CLDN16: variants seen among roughly 807,000 people sequenced by gnomAD.
The protein encoded by CLDN16 is claudin-16.
In CLDN16, 13 loss-of-function variants were observed where a neutral mutation model predicts 24.6. The observed-to-expected ratio is 0.53, with a 90% CI of 0.34 to 0.84. The LOEUF (loss-of-function observed/expected upper bound fraction) is 0.84, where lower values mean the gene tolerates loss of function less well. CLDN16 is among the 40% of genes least tolerant of loss of function. The pLI is 0.01. For synonymous variants in CLDN16, 116 were observed against 106.7 expected (o/e 1.09, Z -0.54); for missense variants, 298 against 292.7 (o/e 1.02, Z -0.13).
the CLDN16 span, chr3:190,305,890 T>G: frequency 6.6e-6 from 1 of 152,224 alleles, no homozygotes; most frequent in African/African-American, 2.4e-5. Context: ...AATTTTTTTG[T>G]AATGTTTGGT....
intron 1 of CLDN16, among the ~76,000 whole-genome samples, chr3:190,358,099 A>C (rs1337653657): frequency 6.6e-6 from 1 of 151,962 alleles, no homozygotes; most frequent in African/African-American, 2.4e-5. Flanking sequence ...TTACGAAAAA[A>C]AAGAAAAGAA....
At chr3:190,320,309 G>T (rs1165858560), upstream of CLDN16, among the ~76,000 whole-genome samples, 1 of 152,144 alleles carries the variant, frequency 6.6e-6, no homozygotes. Context: ...CTGACAGTGA[G>T]ACCTCTCTGG....
chr3:190,308,473 T>C, the CLDN16 span: 2 of 1,607,148 alleles, frequency 1.2e-6, no homozygotes, highest in Non-Finnish European at 1.7e-6. Flanking sequence ...TGTTAATCAG[T>C]GAATTATTGG....
At chr3:190,408,857 AGTATATATACTATATATACATACT>A (rs1356047446) in intron 4 of CLDN16, among the ~76,000 whole-genome samples, 4 of 148,122 alleles carry the variant, frequency 2.7e-5, no homozygotes, top group Admixed American at 1.4e-4. Flanking sequence ...ATACACATAT[AGTATATATACTATATATACATACT>A]GTATATATAC....
the CLDN16 span, among the ~76,000 whole-genome samples, chr3:190,299,558 T>A: frequency 2.6e-5 from 4 of 152,140 alleles, no homozygotes; most frequent in African/African-American, 9.7e-5. Flanking sequence ...GAATTTTTTT[T>A]ATATTTAAGT....
intron 1 of CLDN16, among the ~76,000 whole-genome samples, chr3:190,365,394 G>C (rs1333326360): frequency 6.6e-6 from 1 of 151,472 alleles, no homozygotes; most frequent in East Asian, 2.0e-4. Flanking sequence ...GTGTCTTTTG[G>C]ATTCTTCCAT....
At chr3:190,348,085 TAC>T (rs1717590542) in intron 1 of CLDN16, among the ~76,000 whole-genome samples, 1 of 70,228 alleles carries the variant, frequency 1.4e-5, no homozygotes, top group South Asian at 4.4e-4. Flanking sequence ...CTACTGAAAA[TAC>T]AAAAAAAAAA....
chr3:190,292,008 C>G, the CLDN16 span, among the ~76,000 whole-genome samples: 1 of 152,172 alleles, frequency 6.6e-6, no homozygotes, highest in Admixed American at 6.5e-5. Flanking sequence ...GTGCACATTG[C>G]AAGCTGTTGG....
chr3:190,310,324 C>T, the CLDN16 span: 1 of 1,172,084 alleles, frequency 8.5e-7, no homozygotes. Flanking sequence ...ACCTGTTAAA[C>T]CAAAACATAT....
chr3:190,304,817 G>A, the CLDN16 span, among the ~76,000 whole-genome samples: 1 of 152,114 alleles, frequency 6.6e-6, no homozygotes, highest in Non-Finnish European at 1.5e-5. Context: ...GGGAATATGG[G>A]GACAAAGTGA....
At position 190,410,295 on chromosome 3, in the gene CLDN16, A is replaced by G. The variant is rs1250425802; in HGVS notation, c.*259A>G. 1 of 457,310 alleles carries G rather than the reference A, an allele frequency of 2.2e-6. No individual in the cohort carries two copies. Among genetic ancestry groups the G allele is most frequent in the African/African-American group, 2.0e-5 (1 of 50,864 alleles). 28.3% of individuals were successfully genotyped at this position (457,310 alleles called of 1,614,324 possible). On this transcript the variant is annotated 3_prime_UTR_variant, in exon 5 of 5. Transcript: ENST00000264734. ...AAGATAAGTCTGCTAGGATGTAGAA[A>G]TATTTGTTTGTGATTTCTATATAGC...
At chr3:190,400,405 G>C (rs1164355516) in intron 1 of CLDN16, among the ~76,000 whole-genome samples, 3 of 151,882 alleles carry the variant, frequency 2.0e-5, no homozygotes, top group Non-Finnish European at 4.4e-5. Flanking sequence ...GCTAATTTTT[G>C]TATTTTTAGT....
At chr3:190,325,600 A>G (rs952419887) in intron 1 of CLDN16, among the ~76,000 whole-genome samples, 1 of 152,198 alleles carries the variant, frequency 6.6e-6, no homozygotes, top group African/African-American at 2.4e-5. Flanking sequence ...ACCAATAATA[A>G]GTAGAAGAGA....
chr3:190,310,894 G>A, the CLDN16 span, among the ~76,000 whole-genome samples: 8 of 152,166 alleles, frequency 5.3e-5, no homozygotes, highest in South Asian at 4.1e-4. Flanking sequence ...TATATTCAAT[G>A]ATAGCAGAGA....
intron 1 of CLDN16, among the ~76,000 whole-genome samples, chr3:190,328,029 C>T (rs1160103920): frequency 6.6e-6 from 1 of 151,886 alleles, no homozygotes; most frequent in Non-Finnish European, 1.5e-5. Context: ...TCCCTATAAT[C>T]CTAACAGCTT....
At chr3:190,398,776 C>A (rs191552982) in intron 1 of CLDN16, among the ~76,000 whole-genome samples, 5 of 152,186 alleles carry the variant, frequency 3.3e-5, no homozygotes, top group Admixed American at 2.6e-4. Context: ...TTATAACCAT[C>A]CTATGATTAT....
At chr3:190,316,721 C>T in the CLDN16 span, among the ~76,000 whole-genome samples, 1 of 152,176 alleles carries the variant, frequency 6.6e-6, no homozygotes, top group African/African-American at 2.4e-5. Flanking sequence ...TGAAAAGTCA[C>T]ATGGATTTAT....
chr3:190,353,994 G>C (rs1398271960), intron 1 of CLDN16, among the ~76,000 whole-genome samples: 1 of 152,038 alleles, frequency 6.6e-6, no homozygotes, highest in Admixed American at 6.6e-5. Context: ...TTTCTCTAGA[G>C]GGTCTAAGGA....
At chr3:190,313,644 A>G in the CLDN16 span, among the ~76,000 whole-genome samples, 5 of 152,296 alleles carry the variant, frequency 3.3e-5, no homozygotes, top group Admixed American at 3.3e-4. Flanking sequence ...TTAAAACTAA[A>G]CAAAATAACC....
Sources: gnomAD v4.1 joint callset for allele counts (sites outside exome capture counted in the v4.1 genomes callset) on GRCh38, gnomAD v4.1.1 for gene constraint, MANE v1.5 for transcripts, NCBI Gene and HGNC (gene_info 2026-07-23, HGNC 2026-07-21) for gene names.